The following AK5 variants were observed in gnomAD, a reference collection of about 807,000 sequenced individuals.
AK5 encodes adenylate kinase isoenzyme 5.
In AK5, 27 loss-of-function variants were observed where a neutral mutation model predicts 69.5. The ratio of observed to expected loss-of-function variants is 0.39; its 90% CI spans 0.29 to 0.54. The LOEUF is 0.54. Among genes scored for constraint, AK5 ranks in the 20% least tolerant of loss-of-function variants. The probability of loss-of-function intolerance (pLI) is 0.71; values close to 1 mark genes in which losing one functional copy is unlikely to be tolerated. For missense variants in AK5, 531 were observed against 700.4 expected (o/e 0.76, Z 2.73); for synonymous variants, 260 against 244.4 (o/e 1.06, Z -0.60).
rs141222984 is a variant in AK5, at chr1:77,321,597, G to A, written c.700-18780G>A. Among the ~76,000 whole-genome samples, 134 of 152,272 alleles carry A rather than the reference G, an allele frequency of 8.8e-4. 1 individual carries two copies. In the East Asian group the frequency reaches 0.017, roughly 19 times the overall value. ...AAAACCAGCAAATTGGGATTGGAAG[G>A]GAATTCTCCTCTAATAGGGAGCATC... On this transcript the variant is annotated intron_variant, in intron 5 of 13. Coordinates refer to ENST00000354567, the MANE Select transcript of AK5 (RefSeq NM_174858.3).
intron 13 of AK5, chr1:77,557,225 A>AT (rs1199099906): frequency 1.3e-5 from 2 of 154,524 alleles, no homozygotes; most frequent in African/African-American, 4.9e-5. Context: ...TTTATTTATT[A>AT]TTATTTTTTT....
chr1:77,282,585 C>G (rs1375866445), intron 1 of AK5: 29 of 1,342,080 alleles, frequency 2.2e-5, no homozygotes, highest in Non-Finnish European at 2.3e-5. Context: ...AAGCCTGCAT[C>G]TCACAGATCA....
At position 77,282,060 on chromosome 1, in the gene AK5, C is replaced by G; in HGVS notation, c.-254C>G. 1 of 366,678 alleles carries G rather than the reference C, an allele frequency of 2.7e-6. No individual in the cohort carries two copies. The highest frequency in any genetic ancestry group is 4.9e-6 in the Non-Finnish European group (1 of 204,724). 22.7% of individuals were successfully genotyped at this position (366,678 alleles called of 1,614,324 possible). A position where few individuals can be genotyped will look rare whatever the true frequency, so the allele number is the denominator to read the frequency against. ...GGCAGCCCGGGAAGCCGCGGCACAG[C>G]TGCTCGGCGCCTGCAGCTCCGGCTC... On this transcript the variant is annotated 5_prime_UTR_variant, in exon 1 of 14. Coordinates refer to ENST00000354567, the MANE Select transcript of AK5 (RefSeq NM_174858.3).
At chr1:77,537,733 A>C (rs1659047561) in intron 13 of AK5, among the ~76,000 whole-genome samples, 1 of 152,218 alleles carries the variant, frequency 6.6e-6, no homozygotes, top group African/African-American at 2.4e-5. Context: ...CTTATCTTCT[A>C]ACTCTGTTAA....
At chr1:77,440,205 A>G (rs1652239637) in intron 8 of AK5, among the ~76,000 whole-genome samples, 1 of 152,178 alleles carries the variant, frequency 6.6e-6, no homozygotes, top group South Asian at 2.1e-4. Context: ...TGTCTGGGAA[A>G]GACTTTATTT....
At chr1:77,341,378 T>G (rs1661643594) in intron 6 of AK5, among the ~76,000 whole-genome samples, 1 of 152,230 alleles carries the variant, frequency 6.6e-6, no homozygotes, top group South Asian at 2.1e-4. Context: ...GCTTGACAGC[T>G]AGATGGTGGC....
intron 5 of AK5, 122 bp from the exon 6 acceptor site, chr1:77,340,255 C>A: frequency 2.0e-6 from 2 of 977,686 alleles, no homozygotes; most frequent in Non-Finnish European, 3.0e-6. Context: ...AATACACTGT[C>A]AAAAACATAG....
chr1:77,431,415 A>G (rs538766527), intron 8 of AK5, among the ~76,000 whole-genome samples: 7 of 152,204 alleles, frequency 4.6e-5, no homozygotes, highest in Non-Finnish European at 1.0e-4. Flanking sequence ...CTAGCAGGAC[A>G]CAGAGAAGGT....
At chr1:77,448,252 G>A (rs577936375) in intron 8 of AK5, among the ~76,000 whole-genome samples, 4 of 152,184 alleles carry the variant, frequency 2.6e-5, no homozygotes, top group Non-Finnish European at 5.9e-5. Context: ...AGAACTTGTG[G>A]TGCTCTTTTC....
At chr1:77,515,369 CAAAG>C (rs1557647857) in intron 10 of AK5, among the ~76,000 whole-genome samples, 1 of 152,028 alleles carries the variant, frequency 6.6e-6, no homozygotes, top group African/African-American at 2.4e-5. Context: ...GCCAACCGCA[CAAAG>C]AAAGGAGTTT....
At chr1:77,456,362 C>T (rs2100666320) in intron 8 of AK5, among the ~76,000 whole-genome samples, 1 of 152,354 alleles carries the variant, frequency 6.6e-6, no homozygotes, top group African/African-American at 2.4e-5. Flanking sequence ...GCTCTCACCT[C>T]AGCATGGAGA....
At chr1:77,463,405 A>G (rs1653954402) in intron 8 of AK5, among the ~76,000 whole-genome samples, 3 of 152,234 alleles carry the variant, frequency 2.0e-5, no homozygotes, top group Admixed American at 2.0e-4. Flanking sequence ...GTCAGGCACT[A>G]TGCCAGATTC....
At chr1:77,326,550 T>G (rs1660814082) in intron 5 of AK5, among the ~76,000 whole-genome samples, 2 of 152,182 alleles carry the variant, frequency 1.3e-5, no homozygotes, top group Admixed American at 1.3e-4. Flanking sequence ...GGTTTGTGCA[T>G]GAAGTATTAA....
intron 10 of AK5, among the ~76,000 whole-genome samples, chr1:77,488,242 G>A (rs1003727245): frequency 6.6e-5 from 10 of 152,150 alleles, no homozygotes; most frequent in East Asian, 3.9e-4. Context: ...CTTATTTTAC[G>A]TTTTTTTCAG....
intron 13 of AK5, among the ~76,000 whole-genome samples, chr1:77,549,276 C>CT (rs569142606): frequency 2.6e-5 from 4 of 151,756 alleles, no homozygotes; most frequent in African/African-American, 9.7e-5. Context: ...ATGGTAAATT[C>CT]TTTTTTTTAT....
chr1:77,501,161 G>A (rs1297558618), intron 10 of AK5, among the ~76,000 whole-genome samples: 1 of 152,228 alleles, frequency 6.6e-6, no homozygotes, highest in Non-Finnish European at 1.5e-5. Flanking sequence ...TTCCAAGTTA[G>A]GAGCAAATCA....
chr1:77,312,984 CA>C (rs1215281432), intron 5 of AK5, among the ~76,000 whole-genome samples: 12 of 151,876 alleles, frequency 7.9e-5, no homozygotes, highest in Non-Finnish European at 1.3e-4. Context: ...AAATGTGTAC[CA>C]AAAAAATTAT....
intron 13 of AK5, among the ~76,000 whole-genome samples, chr1:77,542,071 GT>G (rs1659307177): frequency 6.6e-6 from 1 of 152,180 alleles, no homozygotes; most frequent in Non-Finnish European, 1.5e-5. Flanking sequence ...GCTCACACCT[GT>G]AATCCCAGCC....
intron 5 of AK5, among the ~76,000 whole-genome samples, chr1:77,304,508 C>T (rs765854842): frequency 1.3e-5 from 2 of 151,620 alleles, no homozygotes; most frequent in African/African-American, 2.4e-5. Context: ...TGGGTTCAAG[C>T]AATTCTCCTG....
Sources: gnomAD v4.1 joint callset for allele counts (sites outside exome capture counted in the v4.1 genomes callset) on GRCh38, gnomAD v4.1.1 for gene constraint, MANE v1.5 for transcripts, NCBI Gene and HGNC (gene_info 2026-07-23, HGNC 2026-07-21) for gene names.